The following BIRC6 variants were observed in gnomAD, a reference collection of about 807,000 sequenced individuals.
BIRC6 encodes the protein baculoviral IAP repeat containing 6, also known as dual E2 ubiquitin-conjugating enzyme/E3 ubiquitin-protein ligase BIRC6.
In BIRC6, 98 loss-of-function variants were observed where a neutral mutation model predicts 503.3. The observed-to-expected ratio is 0.19, with a 90% CI of 0.17 to 0.23. The LOEUF (loss-of-function observed/expected upper bound fraction) is 0.23. Ranked by LOEUF, BIRC6 falls within the 10% of genes least tolerant of loss-of-function variation. The pLI is 1.00. For synonymous variants in BIRC6, 2,240 were observed against 2,078.7 expected (o/e 1.08, Z -2.11); for missense variants, 5,360 against 5,806.0 (o/e 0.92, Z 2.50).
At chr2:32,473,326 GTA>G in intron 33 of BIRC6, 87 bp downstream of exon 33, 1 of 1,134,134 alleles carries the variant, frequency 8.8e-7, no homozygotes, top group South Asian at 1.7e-5. Flanking sequence ...CAGATGTGAG[GTA>G]TAACATTTAA....
chr2:32,433,247 C>CAT (rs1558708825), intron 12 of BIRC6, among the ~76,000 whole-genome samples: 2 of 150,710 alleles, frequency 1.3e-5, no homozygotes, highest in East Asian at 1.9e-4. Context: ...CATTTTCCAG[C>CAT]ATATATATAG....
intron 61 of BIRC6, among the ~76,000 whole-genome samples, chr2:32,533,268 A>G (rs1293791195): frequency 6.6e-6 from 1 of 152,234 alleles, no homozygotes. Context: ...TAAATATAGA[A>G]AGCAGCACTT....
At chr2:32,364,131 G>A (rs2034529338) in intron 1 of BIRC6, among the ~76,000 whole-genome samples, 1 of 152,168 alleles carries the variant, frequency 6.6e-6, no homozygotes, top group Admixed American at 6.5e-5. Flanking sequence ...ATGTGTGCAG[G>A]TATTAATCAA....
chr2:32,503,004 C>G (rs1028032102), intron 48 of BIRC6, 38 bp from the exon 49 acceptor site: 2 of 1,534,102 alleles, frequency 1.3e-6, no homozygotes, highest in Non-Finnish European at 8.8e-7. Flanking sequence ...ACCATCTGTC[C>G]TGAGATCGAT....
chr2:32,401,651 A>G, intron 8 of BIRC6, 28 bp downstream of exon 8: 2 of 1,572,840 alleles, frequency 1.3e-6, no homozygotes, highest in Non-Finnish European at 8.6e-7. Flanking sequence ...AGTAGTATTT[A>G]ATAGATGTTA....
rs773312894 is a variant in BIRC6 at position 32,440,751 on chromosome 2, T to TTTTTTTTTATTATTATTATTATTATTA, written c.3811-576_3811-575insTTTTTTATTATTATTATTATTATTATT. ...TATTTTATTTTATTGTGTTTATTTA[T>TTTTTTTTTATTATTATTATTATTATTA]TTATTATTATTATTATTATTATTAT... On this transcript the variant is annotated intron_variant, in intron 16 of 73. Coordinates refer to ENST00000421745, the MANE Select transcript of BIRC6 (RefSeq NM_016252.4). 3.0e-3 allele frequency among the ~76,000 whole-genome samples: 440 copies of TTTTTTTTTATTATTATTATTATTATTA among 147,176 alleles called. 3 individuals are homozygous for TTTTTTTTTATTATTATTATTATTATTA. Among genetic ancestry groups the TTTTTTTTTATTATTATTATTATTATTA allele is most frequent in the Non-Finnish European group, 4.0e-3 (271 of 67,016 alleles).
intron 66 of BIRC6, chr2:32,591,024 A>T: frequency 3.1e-6 from 3 of 960,986 alleles, no homozygotes; most frequent in Non-Finnish European, 3.7e-6. Context: ...GGTTGACAGT[A>T]ACCTGCAACT....
At chr2:32,594,200 TAGA>T (rs2061544509) in intron 67 of BIRC6, 140 bp downstream of exon 67, 4 of 888,912 alleles carry the variant, frequency 4.5e-6, no homozygotes, top group Non-Finnish European at 6.6e-6. Context: ...TGTTCTCTGT[TAGA>T]TTTTGTTCTT....
chr2:32,552,590 C>T (rs1344844427), intron 65 of BIRC6, among the ~76,000 whole-genome samples: 1 of 152,162 alleles, frequency 6.6e-6, no homozygotes, highest in Non-Finnish European at 1.5e-5. Context: ...CCATTACTAA[C>T]TTGTCACAAT....
intron 1 of BIRC6, among the ~76,000 whole-genome samples, chr2:32,370,299 C>G (rs2035745557): frequency 8.4e-6 from 1 of 119,496 alleles, no homozygotes; most frequent in Non-Finnish European, 1.7e-5. Flanking sequence ...ATGTCAGATA[C>G]TAAAGATTAT....
chr2:32,509,066 T>TA (rs774582587), intron 51 of BIRC6, among the ~76,000 whole-genome samples: 2,086 of 143,894 alleles, frequency 0.014, 27 homozygotes, highest in Middle Eastern at 0.036. Context: ...ACTCTGTCTT[T>TA]AAAAAAAAAA....
intron 40 of BIRC6, 31 bp from the exon 41 acceptor site, chr2:32,487,616 G>T (rs1034908997): frequency 6.3e-7 from 1 of 1,592,828 alleles, no homozygotes; most frequent in African/African-American, 1.3e-5. Context: ...GATACTTTAT[G>T]TATAAAATTA....
At chr2:32,366,311 A>G (rs1330937939) in intron 1 of BIRC6, among the ~76,000 whole-genome samples, 2 of 152,204 alleles carry the variant, frequency 1.3e-5, no homozygotes, top group African/African-American at 4.8e-5. Context: ...ATGCTTTTCC[A>G]TTTGCCCTCC....
intron 61 of BIRC6, among the ~76,000 whole-genome samples, chr2:32,539,075 T>C (rs1332184808): frequency 6.6e-6 from 1 of 152,190 alleles, no homozygotes. Flanking sequence ...TATTTTTTAA[T>C]GTATCACAAA....
intron 1 of BIRC6, among the ~76,000 whole-genome samples, chr2:32,371,837 A>G (rs532786750): frequency 6.6e-6 from 1 of 151,426 alleles, no homozygotes; most frequent in Non-Finnish European, 1.5e-5. Context: ...ACAGAGTCTC[A>G]CTCCGTCACC....
At chr2:32,468,134 A>G (rs1572440167) in intron 28 of BIRC6, 23 bp downstream of exon 28, 1 of 1,598,894 alleles carries the variant, frequency 6.3e-7, no homozygotes, top group South Asian at 1.1e-5. Context: ...TGCAAATTTT[A>G]ATGTTATTGA....
At chr2:32,405,561 C>T (rs1232462124) in intron 8 of BIRC6, among the ~76,000 whole-genome samples, 2 of 152,142 alleles carry the variant, frequency 1.3e-5, no homozygotes, top group African/African-American at 2.4e-5. Flanking sequence ...AATCCCAGCA[C>T]TTTGGGAGAC....
intron 66 of BIRC6, among the ~76,000 whole-genome samples, chr2:32,582,783 A>T (rs1017306573): frequency 2.0e-5 from 3 of 152,022 alleles, no homozygotes; most frequent in African/African-American, 7.2e-5. Context: ...CAAACAAAAA[A>T]ACTAGAATGA....
intron 24 of BIRC6, 124 bp downstream of exon 24, chr2:32,463,505 C>A (rs1404563555): frequency 6.5e-6 from 6 of 924,552 alleles, no homozygotes; most frequent in African/African-American, 1.7e-5. Context: ...TAATCAGTTT[C>A]AACAAAAATT....
Sources: allele counts gnomAD v4.1 joint callset (sites outside exome capture counted in the v4.1 genomes callset), GRCh38; gene constraint gnomAD v4.1.1; transcripts MANE v1.5; gene names NCBI Gene and HGNC (gene_info 2026-07-23, HGNC 2026-07-21).